Variants in AP1B1 observed in about 807,000 individuals in gnomAD.
The protein encoded by AP1B1 is adaptor related protein complex 1 subunit beta 1.
Under a neutral mutation model 104.3 loss-of-function variants are expected in AP1B1, and 36 were observed. That is an observed-to-expected ratio of 0.35 (90% CI 0.26 to 0.46). The LOEUF (loss-of-function observed/expected upper bound fraction) is 0.46. AP1B1 is among the 20% of genes least tolerant of loss of function. The pLI, the probability that AP1B1 is intolerant of heterozygous loss-of-function variation, is 1.00. For synonymous variants in AP1B1, 504 were observed against 517.5 expected, an observed-to-expected ratio of 0.97 and a Z score of 0.35; for missense variants, 901 against 1,247.9, an observed-to-expected ratio of 0.72 and a Z score of 4.19.
chr22:29,362,635 G>T (rs1458340436), intron 3 of AP1B1, among the ~76,000 whole-genome samples: 1 of 152,120 alleles, frequency 6.6e-6, no homozygotes, highest in African/African-American at 2.4e-5. Flanking sequence ...GTGAGCCACC[G>T]CGCCTGGCCC....
Position 29,330,640 on chromosome 22 carries a change from T to C in AP1B1, c.2594A>G (p.Asp865Gly). Residue 865 changes from aspartate (D) to glycine (G), a missense_variant, in exon 20 of 23, where the codon GAC becomes GGC. Asp to Gly is a moderately conservative substitution (Grantham distance 94, BLOSUM62 -1). Transcript: ENST00000357586. ...NENEAQFQIR[D>G]CPLNAEAASS... ...GTCCTCACCTGCATTGAGGGGGCAG[T>C]CTCTGATCTGGAACTGGGCCTCATT... is the stretch of plus-strand genomic sequence containing the variant. 6.2e-7 allele frequency: 1 copy of C among 1,613,852 alleles called. No individual in the cohort carries two copies. Among genetic ancestry groups the C allele is most frequent in the South Asian group, 1.1e-5 (1 of 91,062 alleles).
chr22:29,356,592 G>C lies in AP1B1; in HGVS notation c.550C>G (p.Leu184Val). The C allele has an allele frequency of 6.2e-7, 1 of 1,614,160 alleles. No individual in the cohort carries two copies. Among genetic ancestry groups the C allele is most frequent in the Non-Finnish European group, 8.5e-7 (1 of 1,180,016 alleles). Reference sequence around the variant, plus strand: ...GGGTGAGACTCGGCAATTTCTGAGAGCGCTGCCACTGCATTGGCCACCACC... The same window carrying C: ...GGGTGAGACTCGGCAATTTCTGAGACCGCTGCCACTGCATTGGCCACCACC... ...PMVVANAVAA[L>V]SEIAESHPSS... The change falls in exon 6 of 23, where the codon CTC becomes GTC. Residue 184 changes from leucine (L) to valine (V), a missense_variant. Transcript: ENST00000357586.
At chr22:29,351,404 G>A in intron 8 of AP1B1, 138 bp from the exon 9 acceptor site, 1 of 1,069,052 alleles carries the variant, frequency 9.4e-7, no homozygotes, top group Non-Finnish European at 1.4e-6. Context: ...GCCCAAGGGA[G>A]AGAGCTGGCA....
chr22:29,363,661 G>T lies in AP1B1; in HGVS notation c.38-555C>A, dbSNP rs181678538. On this transcript the variant is annotated intron_variant, in intron 2 of 22. Coordinates refer to ENST00000357586, the MANE Select transcript of AP1B1 (RefSeq NM_001127.4). ...AGACTCCATCTCAAAAAAAAAAAAA[G>T]AGGCTGAGGATTACTTGAGCTCAGG... Among the ~76,000 whole-genome samples the T allele has an allele frequency of 5.9e-3, 893 of 151,116 alleles. 5 individuals carry two copies. The highest frequency in any genetic ancestry group is 9.1e-3 in the Non-Finnish European group (614 of 67,724).
chr22:29,362,376 T>G lies in AP1B1; in HGVS notation c.143+625A>C, dbSNP rs532204337. Among the ~76,000 whole-genome samples the G allele has an allele frequency of 1.2e-3, 189 of 151,820 alleles. 6 individuals are homozygous for G. The South Asian group carries it at 0.038, about 31-fold the overall frequency. On this transcript the variant is annotated intron_variant, in intron 3 of 22. Transcript: ENST00000357586. ...CTTTTTTTTTTTTTGAGACTGAGTC[T>G]CGCTCTGTCACCTGGGCTGGACTGC...
At chr22:29,359,687 G>C (rs1335375064) in intron 4 of AP1B1, 137 bp downstream of exon 4, 2 of 1,092,114 alleles carry the variant, frequency 1.8e-6, no homozygotes, top group Non-Finnish European at 2.6e-6. Context: ...GGAGGAAGAG[G>C]CCTGCAGGCT....
chr22:29,371,218 A>G (rs987550058), intron 1 of AP1B1, among the ~76,000 whole-genome samples: 2 of 152,200 alleles, frequency 1.3e-5, no homozygotes, highest in Non-Finnish European at 1.5e-5. Flanking sequence ...TCTTGGATGG[A>G]TATCAGTGCA....
At chr22:29,356,371 C>A (rs2061957701) in intron 6 of AP1B1, 55 bp downstream of exon 6, 2 of 1,538,304 alleles carry the variant, frequency 1.3e-6, no homozygotes, top group Non-Finnish European at 1.8e-6. Context: ...TGGTTGGAGC[C>A]CCTGAGGACC....
In AP1B1 at chr22:29,358,832, G is replaced by A. The variant is rs1045569378; in HGVS notation, c.419C>T (p.Thr140Ile). Residue 140 changes from threonine (T) to isoleucine (I), a missense_variant, in exon 5 of 23, where the codon ACA (threonine) becomes ATA (isoleucine). By Grantham distance (89) the Thr-to-Ile change is moderately conservative. Around this residue, in one of 3 missense-constraint regions of AP1B1, gnomAD observed 471 missense variants for 696.7 expected, o/e 0.68. Coordinates refer to ENST00000357586, the MANE Select transcript of AP1B1 (RefSeq NM_001127.4). The part of the protein sequence containing the change: ...LKDEDPYVRK[T>I]AAVCVAKLHD... ...GAGCTTGGCCACGCACACAGCTGCT[G>A]TCTTGCGCACATATGGATCCTCGTC... 6.2e-7 allele frequency: 1 copy of A among 1,614,146 alleles called. No individual in the cohort carries two copies. The highest frequency in any genetic ancestry group is 8.5e-7 in the Non-Finnish European group (1 of 1,180,058).
intron 16 of AP1B1, 151 bp from the exon 17 acceptor site, chr22:29,334,561 T>C: frequency 1.1e-6 from 1 of 873,550 alleles, no homozygotes; most frequent in East Asian, 2.8e-5. Context: ...GATGAACAGG[T>C]GTGTACTGGG....
At chr22:29,338,694 C>T (rs557146606) in intron 16 of AP1B1, among the ~76,000 whole-genome samples, 1 of 152,304 alleles carries the variant, frequency 6.6e-6, no homozygotes, top group South Asian at 2.1e-4. Context: ...TGCTGATTCC[C>T]TCACAAAGGC....
In AP1B1 at chr22:29,351,207, A is replaced by G. The variant is rs371365101; in HGVS notation, c.1119T>C (p.Ala373=). 6.2e-5 allele frequency: 100 copies of G among 1,613,896 alleles called. No individual in the cohort carries two copies. The highest frequency in any genetic ancestry group is 8.3e-5 in the Non-Finnish European group (98 of 1,179,882). The part of the protein sequence containing the change: ...TEVDVDFVRK[A]VRAIGRCAIK... Reference sequence around the variant, plus strand: ...TGGCGCAGCGGCCAATAGCACGCACAGCCTTCCGTACAAAGTCCACATCCA... The same window carrying G: ...TGGCGCAGCGGCCAATAGCACGCACGGCCTTCCGTACAAAGTCCACATCCA... The change falls in exon 9 of 23, where the codon GCT becomes GCC. Residue 373 remains alanine (A), a synonymous_variant. Transcript: ENST00000357586.
At chr22:29,329,511 C>T (rs2061525043) in intron 22 of AP1B1, 1 of 1,412,104 alleles carries the variant, frequency 7.1e-7, no homozygotes, top group Non-Finnish European at 9.2e-7. Context: ...CCCTCCAGGT[C>T]TCCTAGGAAG....
intron 17 of AP1B1, among the ~76,000 whole-genome samples, chr22:29,333,628 T>G (rs2061593947): frequency 6.6e-6 from 1 of 151,658 alleles, no homozygotes; most frequent in African/African-American, 2.4e-5. Context: ...GCAGGAGGAT[T>G]GCTTGAGCCC....
At chr22:29,370,639 C>T (rs1315135418) in intron 1 of AP1B1, 1 of 152,036 alleles carries the variant, frequency 6.6e-6, no homozygotes, top group Middle Eastern at 3.2e-3. Context: ...CAGGACGCAA[C>T]CTGCTGGTGA....
chr22:29,360,851 T>C (rs938821588), intron 3 of AP1B1, among the ~76,000 whole-genome samples: 6 of 152,170 alleles, frequency 3.9e-5, no homozygotes, highest in African/African-American at 1.4e-4. Flanking sequence ...TCATATCCCC[T>C]CTCAATTCTT....
chr22:29,349,253 T>C lies in AP1B1; in HGVS notation c.1402A>G (p.Ser468Gly). Reference protein sequence around the residue: ...RIDNADELLESFLEGFHDEST... With the variant: ...RIDNADELLEGFLEGFHDEST... Reference sequence around the variant, plus strand: ...TCGTCATGGAAGCCCTCGAGGAAGCTCTCCAGCAGCTCATCTGCGTTGTCG... The same window carrying C: ...TCGTCATGGAAGCCCTCGAGGAAGCCCTCCAGCAGCTCATCTGCGTTGTCG... The change falls in exon 11 of 23, where the codon AGC (serine) becomes GGC (glycine). Residue 468 changes from serine (S) to glycine (G), a missense_variant. This residue lies in a region of AP1B1 where 471 missense variants were observed against 696.7 expected (regional missense o/e 0.68). Transcript: ENST00000357586. The C allele has an allele frequency of 1.2e-6, 2 of 1,613,726 alleles. No individual in the cohort carries two copies. Among genetic ancestry groups the C allele is most frequent in the Non-Finnish European group, 1.7e-6 (2 of 1,180,012 alleles).
chr22:29,371,007 A>G (rs2062226402), intron 1 of AP1B1, among the ~76,000 whole-genome samples: 1 of 152,204 alleles, frequency 6.6e-6, no homozygotes, highest in African/African-American at 2.4e-5. Context: ...AAATTAAAGT[A>G]GAGAAGGGAG....
At chr22:29,374,348 A>C (rs1403190001) in intron 1 of AP1B1, among the ~76,000 whole-genome samples, 1 of 152,248 alleles carries the variant, frequency 6.6e-6, no homozygotes, top group East Asian at 1.9e-4. Flanking sequence ...TCAATTCCAT[A>C]AAAATTGAGT....
Sources: allele counts gnomAD v4.1 joint callset (sites outside exome capture counted in the v4.1 genomes callset), GRCh38; gene constraint gnomAD v4.1.1; regional missense constraint gnomAD v4.1.1; transcripts MANE v1.5; gene names NCBI Gene and HGNC (gene_info 2026-07-23, HGNC 2026-07-21).